The following SLC35A1 variants were observed in gnomAD, a reference collection of about 807,000 sequenced individuals.
The protein encoded by SLC35A1 is solute carrier family 35 member A1.
SLC35A1 carries 21 observed loss-of-function variants against 40.3 expected under a neutral mutation model. The ratio of observed to expected loss-of-function variants is 0.52; its 90% confidence interval spans 0.37 to 0.75. The LOEUF (loss-of-function observed/expected upper bound fraction) is 0.75. Among genes scored for constraint, SLC35A1 ranks in the 30% least tolerant of loss-of-function variants. The pLI is 0.00. For synonymous variants in SLC35A1, 146 were observed against 147.3 expected, an observed-to-expected ratio of 0.99 and a Z score of 0.06; for missense variants, 297 against 382.1, an observed-to-expected ratio of 0.78 and a Z score of 1.86.
intron 7 of SLC35A1, among the ~76,000 whole-genome samples, chr6:87,510,177 A>C (rs1316105496): frequency 6.6e-6 from 1 of 152,184 alleles, no homozygotes; most frequent in Non-Finnish European, 1.5e-5. Context: ...TGAAGTGCTT[A>C]GAGTAGTGTT....
At chr6:87,489,349 G>T (rs1769476484) in intron 2 of SLC35A1, among the ~76,000 whole-genome samples, 1 of 151,944 alleles carries the variant, frequency 6.6e-6, no homozygotes, top group Non-Finnish European at 1.5e-5. Context: ...CAAGAGACAG[G>T]ATTAGTTCTT....
chr6:87,477,586 G>A (rs776552614), intron 2 of SLC35A1, 47 bp downstream of exon 2: 1 of 1,461,714 alleles, frequency 6.8e-7, no homozygotes, highest in South Asian at 1.1e-5. Context: ...TCTACCTGGT[G>A]AGGGTATTTG....
At position 87,509,150 on chromosome 6, in the gene SLC35A1, A is replaced by G; in HGVS notation, c.861A>G (p.Ser287=). The change falls in exon 7 of 8, where the codon TCA becomes TCG. Residue 287 remains serine, a synonymous_variant. Transcript: ENST00000369552. ...AAAIVLSTIA[S]VMLFGLQITL... ...CCATTGTCCTTTCCACCATTGCTTC[A>G]GTAATGCTGTTTGGATTACAGATAA... 2 of 1,614,156 alleles carry G rather than the reference A, an allele frequency of 1.2e-6. No homozygotes were observed. Among genetic ancestry groups the G allele is most frequent in the Non-Finnish European group, 1.7e-6 (2 of 1,179,986 alleles).
At chr6:87,483,857 A>T (rs1769316362) in intron 2 of SLC35A1, among the ~76,000 whole-genome samples, 1 of 152,038 alleles carries the variant, frequency 6.6e-6, no homozygotes, top group African/African-American at 2.4e-5. Context: ...GGCCCTTCTT[A>T]GTGTTGGCGT....
chr6:87,496,921 G>A (rs532594642), intron 2 of SLC35A1, among the ~76,000 whole-genome samples: 2 of 151,964 alleles, frequency 1.3e-5, no homozygotes, highest in Admixed American at 6.6e-5. Context: ...AAAACAAAAC[G>A]ATGATTACTA....
intron 1 of SLC35A1, among the ~76,000 whole-genome samples, chr6:87,473,256 C>T (rs1490459311): frequency 6.6e-6 from 1 of 152,170 alleles, no homozygotes; most frequent in Admixed American, 6.5e-5. Flanking sequence ...AGTCAGAGAC[C>T]GCACTGACCT....
intron 1 of SLC35A1, among the ~76,000 whole-genome samples, chr6:87,476,586 G>T (rs1435530555): frequency 6.6e-6 from 1 of 151,830 alleles, no homozygotes; most frequent in Non-Finnish European, 1.5e-5. Context: ...TTAGCTGGGT[G>T]TAGTGGCGGG....
Position 87,511,779 on chromosome 6 carries a change from T to C in SLC35A1, c.*253T>C. 1 of 468,040 alleles carries C rather than the reference T, an allele frequency of 2.1e-6. No individual in the cohort carries two copies. Among genetic ancestry groups the C allele is most frequent in the East Asian group, 4.2e-5 (1 of 23,902 alleles). The allele number at this position is 468,040 out of a possible 1,614,324, so 29.0% of individuals were successfully genotyped here. The stretch of plus-strand genomic sequence containing the variant: ...TTGTATTATTGTGTGTATATATAAT[T>C]TGTAAATAAAAAGTATGGAGATGAT... On this transcript the variant is annotated 3_prime_UTR_variant, in exon 8 of 8. Coordinates refer to ENST00000369552, the MANE Select transcript of SLC35A1 (RefSeq NM_006416.5).
chr6:87,488,076 A>G (rs907313459), intron 2 of SLC35A1: 1 of 152,200 alleles, frequency 6.6e-6, no homozygotes, highest in South Asian at 2.1e-4. Context: ...GATTTGGGGG[A>G]AAAAGATATC....
chr6:87,473,017 G>A lies in SLC35A1; in HGVS notation c.14G>A (p.Arg5Lys), dbSNP rs369487860. The change falls in exon 1 of 8, where the codon AGA becomes AAA. Residue 5 changes from arginine to lysine, a missense_variant and splice_region_variant. Arg to Lys is a conservative substitution (Grantham distance 26). Coordinates refer to ENST00000369552, the MANE Select transcript of SLC35A1 (RefSeq NM_006416.5). ...TGTCGGGGAACCATGGCTGCCCCGA[G>A]AGGTGAGAACTGGGTCTGCTGGGAG... is the stretch of plus-strand genomic sequence containing the variant. MAAP[R>K]DNVTLLFKLY... 4 of 675,126 alleles carry A rather than the reference G, an allele frequency of 5.9e-6. No homozygotes were observed. Among genetic ancestry groups the A allele is most frequent in the African/African-American group, 5.7e-5 (3 of 52,750 alleles). The allele number at this position is 675,126 out of a possible 1,614,324, so 41.8% of individuals were successfully genotyped here.
At chr6:87,482,766 C>T (rs1769281399) in intron 2 of SLC35A1, among the ~76,000 whole-genome samples, 1 of 152,186 alleles carries the variant, frequency 6.6e-6, no homozygotes, top group African/African-American at 2.4e-5. Flanking sequence ...AATGTTAAAT[C>T]ATCTTTTTCT....
chr6:87,481,235 G>A (rs1164175890), intron 2 of SLC35A1, among the ~76,000 whole-genome samples: 3 of 152,072 alleles, frequency 2.0e-5, no homozygotes, highest in Non-Finnish European at 1.5e-5. Flanking sequence ...TGGCCAACAT[G>A]GAGAAACCTT....
intron 3 of SLC35A1, 32 bp from the exon 4 acceptor site, chr6:87,501,126 C>T (rs762673933): frequency 3.3e-6 from 5 of 1,531,014 alleles, no homozygotes; most frequent in Non-Finnish European, 4.5e-6. Context: ...CTAACATTAA[C>T]TGAATTTATT....
intron 2 of SLC35A1, chr6:87,496,076 G>A (rs1381243281): frequency 6.6e-6 from 1 of 152,190 alleles, no homozygotes; most frequent in Non-Finnish European, 1.5e-5. Context: ...TTTGCACAGT[G>A]ACTTGGTAAC....
At chr6:87,477,609 AG>A in intron 2 of SLC35A1, 70 bp downstream of exon 2, 2 of 1,288,700 alleles carry the variant, frequency 1.6e-6, no homozygotes, top group African/African-American at 2.9e-5. Context: ...AGAAAATTCA[AG>A]CTACATCTTT....
intron 2 of SLC35A1, among the ~76,000 whole-genome samples, chr6:87,479,683 C>A (rs2127963891): frequency 6.6e-6 from 1 of 152,338 alleles, no homozygotes; most frequent in East Asian, 1.9e-4. Context: ...AGCCATCTGG[C>A]AGTTAGTCCC....
In SLC35A1 at chr6:87,479,311, G is replaced by A. The variant is rs145943592; in HGVS notation, c.194+1772G>A. 7.6e-3 allele frequency among the ~76,000 whole-genome samples: 1,160 copies of A among 152,220 alleles called. 16 individuals carry two copies. Among genetic ancestry groups the A allele is most frequent in the Non-Finnish European group, 0.013 (869 of 68,022 alleles). On this transcript the variant is annotated intron_variant, in intron 2 of 7. Transcript: ENST00000369552. ...CTGGATAAGGTGGAGGATAGTTAAG[G>A]GAGGTTTTAGTAAGTGCCATTTCTA...
intron 2 of SLC35A1, among the ~76,000 whole-genome samples, chr6:87,490,860 T>C (rs1008885416): frequency 6.6e-6 from 1 of 152,242 alleles, no homozygotes; most frequent in Non-Finnish European, 1.5e-5. Context: ...AGCTATACTC[T>C]GTAGAATACC....
intron 2 of SLC35A1, among the ~76,000 whole-genome samples, chr6:87,500,304 A>G (rs192600679): frequency 9.2e-5 from 14 of 152,176 alleles, no homozygotes; most frequent in Admixed American, 7.2e-4. Flanking sequence ...TTGTTGTCAT[A>G]TTTTCCCAAA....
Sources: gnomAD v4.1 joint callset for allele counts (sites outside exome capture counted in the v4.1 genomes callset) on GRCh38, gnomAD v4.1.1 for gene constraint, MANE v1.5 for transcripts, NCBI Gene and HGNC (gene_info 2026-07-23, HGNC 2026-07-21) for gene names.